KIF6: variants seen among roughly 807,000 people sequenced by gnomAD.
The protein encoded by KIF6 is kinesin-like protein KIF6.
A neutral mutation model predicts 112.7 loss-of-function variants in KIF6; 106 were observed. That is an observed-to-expected ratio of 0.94 (90% CI 0.80 to 1.11). KIF6 has a LOEUF of 1.11. Among genes scored for constraint, KIF6 ranks in the 50% least tolerant of loss-of-function variants. KIF6 has a pLI of 0.00. For missense variants in KIF6, 929 were observed against 964.0 expected (o/e 0.96, Z 0.48); for synonymous variants, 339 against 339.9 (o/e 1.00, Z 0.03).
chr6:39,563,600 A>C (rs1041523355), intron 10 of KIF6, among the ~76,000 whole-genome samples: 2 of 152,204 alleles, frequency 1.3e-5, no homozygotes, highest in African/African-American at 4.8e-5. Context: ...TATTATAAAT[A>C]GTTTGTGATA....
chr6:39,367,642 G>A (rs1438454126), intron 16 of KIF6, among the ~76,000 whole-genome samples: 1 of 152,132 alleles, frequency 6.6e-6, no homozygotes, highest in Non-Finnish European at 1.5e-5. Context: ...CGGGTGTTTT[G>A]GAATTAGCCG....
chr6:39,636,487 T>C lies in KIF6; in HGVS notation c.400-1529A>G, dbSNP rs138303991. ...CTATTGATTACATTAGTATCCTAGT[T>C]TAGTAAAGGTACTATTTCAATATAA... is the stretch of plus-strand genomic sequence containing the variant. On this transcript the variant is annotated intron_variant, in intron 4 of 22. Coordinates refer to ENST00000287152, the MANE Select transcript of KIF6 (RefSeq NM_145027.6). Among the ~76,000 whole-genome samples, 424 of 152,134 alleles carry C rather than the reference T, an allele frequency of 2.8e-3. 1 individual carries two copies. The highest frequency in any genetic ancestry group is 4.1e-3 in the Non-Finnish European group (277 of 67,942).
At chr6:39,664,761 T>A (rs143121312) in intron 3 of KIF6, among the ~76,000 whole-genome samples, 73 of 152,322 alleles carry the variant, frequency 4.8e-4, no homozygotes, top group African/African-American at 1.6e-3. Context: ...TGTGATTTAA[T>A]TTGGGAGTCA....
Position 39,416,246 on chromosome 6 carries a change from T to C in KIF6, c.1810+3702A>G, listed in dbSNP as rs970139349. ...AACAGTGATGATGTAAAAAAACTAATGCCTGGATTCTAGTAAGCAAAACCA... is the reference window on the plus strand; with the variant it reads ...AACAGTGATGATGTAAAAAAACTAACGCCTGGATTCTAGTAAGCAAAACCA... On this transcript the variant is annotated intron_variant, in intron 15 of 22. Coordinates refer to ENST00000287152, the MANE Select transcript of KIF6 (RefSeq NM_145027.6). Among the ~76,000 whole-genome samples the C allele has an allele frequency of 2.0e-5, 3 of 152,252 alleles. No individual in the cohort carries two copies. In the East Asian group the frequency reaches 5.8e-4, roughly 29 times the overall value.
At chr6:39,652,353 A>AC (rs1785517344) in intron 3 of KIF6, among the ~76,000 whole-genome samples, 1 of 151,962 alleles carries the variant, frequency 6.6e-6, no homozygotes, top group South Asian at 2.1e-4. Context: ...ACACGGTGAA[A>AC]CCCCGTCTCT....
At chr6:39,642,878 G>A (rs541859090) in intron 3 of KIF6, among the ~76,000 whole-genome samples, 1 of 152,230 alleles carries the variant, frequency 6.6e-6, no homozygotes, top group South Asian at 2.1e-4. Flanking sequence ...AAAGTGAGAA[G>A]AAAGACAGTG....
intron 13 of KIF6, among the ~76,000 whole-genome samples, chr6:39,455,695 A>G (rs1374436257): frequency 6.6e-6 from 1 of 151,120 alleles, no homozygotes; most frequent in African/African-American, 2.4e-5. Flanking sequence ...GGAGCTGAAA[A>G]CCAAGGCTCG....
At position 39,539,437 on chromosome 6, in the gene KIF6, G is replaced by A. The variant is rs371155136; in HGVS notation, c.1645+566C>T. On this transcript the variant is annotated intron_variant, in intron 13 of 22. Transcript: ENST00000287152. ...TGGCTCACTGCAACCTCCACCTCTC[G>A]GGTTCAAATGATTCTCCTGCCTCAG... is the stretch of plus-strand genomic sequence containing the variant. Among the ~76,000 whole-genome samples the A allele has an allele frequency of 3.9e-5, 6 of 151,996 alleles. No individual in the cohort carries two copies. In the East Asian group the frequency reaches 1.2e-3, roughly 29 times the overall value.
rs578124924 is a variant in KIF6 at position 39,337,509 on chromosome 6, C to T, written c.2429-961G>A. Among the ~76,000 whole-genome samples, 413 of 152,066 alleles carry T rather than the reference C, an allele frequency of 2.7e-3. 1 individual carries two copies. The highest frequency in any genetic ancestry group is 9.6e-3 in the African/African-American group (398 of 41,462). ...TGTATTTTTACTAGAGATGGGGTTT[C>T]ACCATGTTGTCCAGGCTGGTCTCAA... On this transcript the variant is annotated intron_variant, in intron 22 of 22. Transcript: ENST00000287152.
intron 16 of KIF6, among the ~76,000 whole-genome samples, chr6:39,379,078 G>A (rs1016582557): frequency 6.6e-6 from 1 of 152,158 alleles, no homozygotes; most frequent in Non-Finnish European, 1.5e-5. Flanking sequence ...ACAAGGATCC[G>A]CACGATAAAT....
In KIF6 at chr6:39,601,360, T is replaced by C. The variant is rs79266053; in HGVS notation, c.640-5100A>G. Among the ~76,000 whole-genome samples the C allele has an allele frequency of 1.0e-2, 1,521 of 152,196 alleles. 20 individuals are homozygous for C. The highest frequency in any genetic ancestry group is 0.034 in the African/African-American group (1,414 of 41,538). On this transcript the variant is annotated intron_variant, in intron 6 of 22. Transcript: ENST00000287152. The stretch of plus-strand genomic sequence containing the variant: ...ATTTACTCTTGTCCCTTCCAATTGT[T>C]CTCCATCTCTCAGACAAAGTAGTAT...
chr6:39,502,548 G>A lies in KIF6; in HGVS notation c.1645+37455C>T, dbSNP rs1290420175. 2.0e-5 allele frequency among the ~76,000 whole-genome samples: 3 copies of A among 152,270 alleles called. No individual in the cohort carries two copies. In the East Asian group the frequency reaches 5.8e-4, roughly 29 times the overall value. Reference sequence around the variant, plus strand: ...TGCCCCAATTAAAAGACATGGAATGGCAAGCAGGATAAAAAACCTAGACCC... The same window carrying A: ...TGCCCCAATTAAAAGACATGGAATGACAAGCAGGATAAAAAACCTAGACCC... On this transcript the variant is annotated intron_variant, in intron 13 of 22. Coordinates refer to ENST00000287152, the MANE Select transcript of KIF6 (RefSeq NM_145027.6).
At chr6:39,591,586 C>T (rs977237131) in intron 7 of KIF6, among the ~76,000 whole-genome samples, 5 of 152,158 alleles carry the variant, frequency 3.3e-5, no homozygotes. Context: ...AGTCCTGGGC[C>T]GTTTCTTTAG....
intron 16 of KIF6, among the ~76,000 whole-genome samples, chr6:39,365,140 G>A (rs1295743059): frequency 1.3e-5 from 2 of 152,072 alleles, no homozygotes; most frequent in African/African-American, 4.8e-5. Flanking sequence ...TGTGTCTTTT[G>A]TGTCATTAGC....
At chr6:39,666,781 G>A (rs557130419) in intron 3 of KIF6, among the ~76,000 whole-genome samples, 2 of 152,238 alleles carry the variant, frequency 1.3e-5, no homozygotes, top group Admixed American at 6.5e-5. Context: ...TGCATTTTTC[G>A]CCTGTGTTTT....
chr6:39,336,502 AT>A lies in KIF6; in HGVS notation c.*29del, dbSNP rs768527931. Reference sequence around the variant, plus strand: ...TCATCTGTGCTTCATTCTTGCTGGCATAATTCATGGATGGATATTTCCTGGA... The same window carrying A: ...TCATCTGTGCTTCATTCTTGCTGGCAAATTCATGGATGGATATTTCCTGGA... On this transcript the variant is annotated 3_prime_UTR_variant, in exon 23 of 23. Coordinates refer to ENST00000287152, the MANE Select transcript of KIF6 (RefSeq NM_145027.6). 7.4e-6 allele frequency: 12 copies of A among 1,610,954 alleles called. No individual in the cohort carries two copies. The highest frequency in any genetic ancestry group is 1.3e-5 in the African/African-American group (1 of 74,902).
At chr6:39,576,315 G>A (rs1051453187) in intron 10 of KIF6, among the ~76,000 whole-genome samples, 1 of 151,932 alleles carries the variant, frequency 6.6e-6, no homozygotes, top group Non-Finnish European at 1.5e-5. Context: ...GTAGAGACGA[G>A]GTTTCTCCAT....
At chr6:39,362,083 C>T (rs931011000) in intron 17 of KIF6, among the ~76,000 whole-genome samples, 3 of 152,220 alleles carry the variant, frequency 2.0e-5, no homozygotes, top group South Asian at 2.1e-4. Flanking sequence ...CAAATGCCTG[C>T]GGCTGCGTGA....
chr6:39,513,405 T>C (rs1417345149), intron 13 of KIF6, among the ~76,000 whole-genome samples: 1 of 152,208 alleles, frequency 6.6e-6, no homozygotes, highest in Non-Finnish European at 1.5e-5. Context: ...GTTGAGACAT[T>C]GTTACCTTGA....
Sources: gnomAD v4.1 joint callset for allele counts (sites outside exome capture counted in the v4.1 genomes callset) on GRCh38, gnomAD v4.1.1 for gene constraint, MANE v1.5 for transcripts, NCBI Gene and HGNC (gene_info 2026-07-23, HGNC 2026-07-21) for gene names.